Variants in SLC10A4 observed in about 807,000 individuals in gnomAD.
SLC10A4 encodes putative sodium/bile acid cotransporter 4.
In SLC10A4, 17 loss-of-function variants were observed where a neutral mutation model predicts 22.5. The ratio of observed to expected loss-of-function variants is 0.76; its 90% confidence interval spans 0.52 to 1.14. The LOEUF (loss-of-function observed/expected upper bound fraction) is 1.14, where lower values mean the gene tolerates loss of function less well. Among genes scored for constraint, SLC10A4 ranks in the 50% most tolerant of loss-of-function variants. The pLI is 0.00. For synonymous variants in SLC10A4, 257 were observed against 258.2 expected (o/e 1.00, Z 0.04); for missense variants, 548 against 584.0 (o/e 0.94, Z 0.64).
In SLC10A4 at chr4:48,488,913, A is replaced by G. The variant is rs142691812; in HGVS notation, c.1288A>G (p.Met430Val). ...AGTGAAAGCAGAAAATATAATAATG[A>G]TGGAAACCGCTCAGACTTCTCTCTA... ...GTVKAENIIM[M>V]ETAQTSL is the part of the protein sequence containing the mutation. Residue 430 changes from methionine (M) to valine (V), a missense_variant, in exon 3 of 3, where the codon ATG becomes GTG. Coordinates refer to ENST00000273861, the MANE Select transcript of SLC10A4 (RefSeq NM_152679.4). 301 of 1,603,702 alleles carry G rather than the reference A, an allele frequency of 1.9e-4. No homozygotes were observed. Among genetic ancestry groups the G allele is most frequent in the Non-Finnish European group, 2.5e-4 (298 of 1,177,142 alleles).
intron 2 of SLC10A4, among the ~76,000 whole-genome samples, chr4:48,487,837 C>T (rs111616615): frequency 9.5e-6 from 1 of 105,492 alleles, no homozygotes; most frequent in South Asian, 3.5e-4. Context: ...TGGAGTGTTG[C>T]TCTGTCACCC....
rs2148672135 is a variant in SLC10A4, at chr4:48,485,845, C to T, written c.801+703C>T. On this transcript the variant is annotated intron_variant, in intron 2 of 2. Transcript: ENST00000273861. ...GATTTCTATAATTTGTGCAATATTT[C>T]TCCTAAGGCTTTGATTTTTTAAAAA... Among the ~76,000 whole-genome samples, 4 of 152,194 alleles carry T rather than the reference C, an allele frequency of 2.6e-5. No homozygotes were observed. The South Asian group carries it at 8.3e-4, about 32-fold the overall frequency.
Position 48,483,467 on chromosome 4 carries a change from C to A in SLC10A4, c.-95C>A. ...CGGCGCGCAGCCGGGGCTCGGAGAC[C>A]GACGGGCAGAACGACGGGCGGCGAC... On this transcript the variant is annotated 5_prime_UTR_variant, in exon 1 of 3. Transcript: ENST00000273861. The surrounding 1 kb of genome is among the most constrained non-coding windows in gnomAD (Gnocchi z 5.4). The A allele has an allele frequency of 9.3e-7, 1 of 1,071,568 alleles. No individual in the cohort carries two copies. The highest frequency in any genetic ancestry group is 1.3e-6 in the Non-Finnish European group (1 of 795,162). The allele number at this position is 1,071,568 out of a possible 1,614,324, so 66.4% of individuals were successfully genotyped here.
rs1256346516 is a variant in SLC10A4 at position 48,483,849 on chromosome 4, C to G, written c.288C>G (p.Phe96Leu). Residue 96 changes from phenylalanine to leucine, a missense_variant, in exon 1 of 3, where the codon TTC (phenylalanine) becomes TTG (leucine). Phe to Leu is a conservative substitution (Grantham distance 22). Around this residue, in one of 3 missense-constraint regions of SLC10A4, gnomAD observed 225 missense variants for 206.9 expected, o/e 1.09. Coordinates refer to ENST00000273861, the MANE Select transcript of SLC10A4 (RefSeq NM_152679.4). This position sits in a 1 kb window ranked among gnomAD's most constrained non-coding sequence, Gnocchi z 5.4. ...CCTGGGCGCCCCACGCGCTCCCGTTCTGGGACACGCCGCTGAACCACGGGC... is the reference window on the plus strand; with the variant it reads ...CCTGGGCGCCCCACGCGCTCCCGTTGTGGGACACGCCGCTGAACCACGGGC... ...PRPWAPHALP[F>L]WDTPLNHGLN... 1 of 1,540,450 alleles carries G rather than the reference C, an allele frequency of 6.5e-7. No homozygotes were observed. Among genetic ancestry groups the G allele is most frequent in the Non-Finnish European group, 8.7e-7 (1 of 1,145,470 alleles).
rs761350123 is a variant in SLC10A4, at chr4:48,488,738, G to T, written c.1113G>T (p.Gln371His). Residue 371 changes from glutamine (Q) to histidine (H), a missense_variant, in exon 3 of 3, where the codon CAG becomes CAT. Physicochemically the swap from Gln to His is conservative, Grantham distance 24 (BLOSUM62 0). Coordinates refer to ENST00000273861, the MANE Select transcript of SLC10A4 (RefSeq NM_152679.4). ...YMFPLLYALF[Q>H]SAEAGIFVLI... ...TTCCTTTGCTGTATGCACTTTTCCA[G>T]TCTGCAGAAGCGGGGATTTTTGTTT... The T allele has an allele frequency of 1.2e-6, 2 of 1,614,030 alleles. No homozygotes were observed. The highest frequency in any genetic ancestry group is 2.2e-5 in the East Asian group (1 of 44,880).
At chr4:48,486,395 G>C (rs764472844) in intron 2 of SLC10A4, among the ~76,000 whole-genome samples, 8 of 151,758 alleles carry the variant, frequency 5.3e-5, no homozygotes, top group Non-Finnish European at 2.9e-5. Flanking sequence ...TAATCATTAA[G>C]CTAATGCTAT....
chr4:48,485,041 C>G lies in SLC10A4; in HGVS notation c.700C>G (p.Leu234Val). The G allele has an allele frequency of 1.2e-6, 2 of 1,614,140 alleles. No homozygotes were observed. The highest frequency in any genetic ancestry group is 1.7e-6 in the Non-Finnish European group (2 of 1,180,016). Residue 234 changes from leucine (L) to valine (V), a missense_variant, in exon 2 of 3, where the codon CTA (leucine) becomes GTA (valine). By Grantham distance (32) the Leu-to-Val change is conservative (BLOSUM62 1). This residue lies in a region of SLC10A4 where 314 missense variants were observed against 353.2 expected (regional missense o/e 0.89). Coordinates refer to ENST00000273861, the MANE Select transcript of SLC10A4 (RefSeq NM_152679.4). ...CACCCCTATCGTGCAGTTACTACCC[C>G]TAGGGACCGTGACCCTGACTCTCTG... ...INTPIVQLLPLGTVTLTLCST... is the reference protein window; with the variant it reads ...INTPIVQLLPVGTVTLTLCST...
At position 48,488,895 on chromosome 4, in the gene SLC10A4, G is replaced by A. The variant is rs1325218223; in HGVS notation, c.1270G>A (p.Ala424Thr). The change falls in exon 3 of 3, where the codon GCA becomes ACA. Residue 424 changes from alanine (A) to threonine (T), a missense_variant. By Grantham distance (58) the Ala-to-Thr change is moderately conservative. Coordinates refer to ENST00000273861, the MANE Select transcript of SLC10A4 (RefSeq NM_152679.4). ...AGACACTTCCTATGGCACAGTGAAA[G>A]CAGAAAATATAATAATGATGGAAAC... is the stretch of plus-strand genomic sequence containing the variant. The part of the protein sequence containing the change: ...MADTSYGTVK[A>T]ENIIMMETAQ... 6.2e-7 allele frequency: 1 copy of A among 1,609,386 alleles called. No homozygotes were observed. The highest frequency in any genetic ancestry group is 1.3e-5 in the African/African-American group (1 of 74,562).
intron 1 of SLC10A4, 113 bp downstream of exon 1, chr4:48,484,264 AAGG>A (rs768419089): frequency 4.3e-5 from 48 of 1,103,980 alleles, no homozygotes; most frequent in Non-Finnish European, 5.9e-5. Context: ...GGCGTGGAGG[AAGG>A]AGGAGAAAAG....
At chr4:48,484,201 T>A (rs373281471) in intron 1 of SLC10A4, 50 bp downstream of exon 1, 193 of 1,477,602 alleles carry the variant, frequency 1.3e-4, no homozygotes, top group Non-Finnish European at 1.7e-4. Context: ...AGACGCGCGT[T>A]TACGGCCGTG....
chr4:48,484,758 C>T (rs1467212720), intron 1 of SLC10A4, among the ~76,000 whole-genome samples, 174 bp from the exon 2 acceptor site: 2 of 152,168 alleles, frequency 1.3e-5, no homozygotes, highest in East Asian at 1.9e-4. Flanking sequence ...ATAATTCCAT[C>T]GGTGTTAGAC....
rs1201395321 is a variant in SLC10A4 at position 48,483,963 on chromosome 4, T to C, written c.402T>C (p.Arg134=). 3.9e-6 allele frequency: 6 copies of C among 1,548,394 alleles called. No individual in the cohort carries two copies. Among genetic ancestry groups the C allele is most frequent in the South Asian group, 1.2e-5 (1 of 85,284 alleles). Residue 134 remains arginine, a synonymous_variant, in exon 1 of 3, where the codon CGT becomes CGC. Transcript: ENST00000273861. The surrounding 1 kb of genome is among the most constrained non-coding windows in gnomAD (Gnocchi z 5.4). ...VDVNHFGAHV[R]RPVGALLAAL... is the part of the protein sequence containing the mutation. Reference sequence around the variant, plus strand: ...TGAACCACTTCGGGGCGCACGTCCGTCGGCCCGTGGGCGCGCTGCTGGCAG... The same window carrying C: ...TGAACCACTTCGGGGCGCACGTCCGCCGGCCCGTGGGCGCGCTGCTGGCAG...
intron 2 of SLC10A4, among the ~76,000 whole-genome samples, chr4:48,485,663 G>A (rs1401586821): frequency 6.6e-6 from 1 of 152,148 alleles, no homozygotes; most frequent in Non-Finnish European, 1.5e-5. Context: ...AAGTTACATT[G>A]TAGTAATAGA....
chr4:48,483,905 T>A lies in SLC10A4; in HGVS notation c.344T>A (p.Ile115Asn). ...GTGTTCGTGGGCGCCGCCCTGTGCA[T>A]CACCATGCTGGGCCTGGGCTGCACG... ...LNVFVGAALCITMLGLGCTVD... is the reference protein window; with the variant it reads ...LNVFVGAALCNTMLGLGCTVD... Residue 115 changes from isoleucine to asparagine, a missense_variant, in exon 1 of 3, where the codon ATC becomes AAC. Physicochemically the swap from Ile to Asn is moderately radical, Grantham distance 149 (BLOSUM62 -3). Transcript: ENST00000273861. The surrounding 1 kb of genome is among the most constrained non-coding windows in gnomAD (Gnocchi z 5.4). 1 of 1,544,962 alleles carries A rather than the reference T, an allele frequency of 6.5e-7. No individual in the cohort carries two copies.
In SLC10A4 at chr4:48,484,061, C is replaced by A; in HGVS notation, c.500C>A (p.Ala167Asp). The change falls in exon 1 of 3, where the codon GCC becomes GAC. Residue 167 changes from alanine (A) to aspartate (D), a missense_variant. Coordinates refer to ENST00000273861, the MANE Select transcript of SLC10A4 (RefSeq NM_152679.4). ...LALAFKLDEV[A>D]AVAVLLCGCC... ...CTCGCCTTCAAGCTGGACGAGGTGG[C>A]CGCCGTGGCGGTGCTCCTGTGTGGC... is the stretch of plus-strand genomic sequence containing the variant. 6.2e-7 allele frequency: 1 copy of A among 1,603,694 alleles called. No homozygotes were observed.
Position 48,485,143 on chromosome 4 carries a change from G to A in SLC10A4, c.801+1G>A. ...CCGGGTGGCTGACTACATTGTGAAG[G>A]TAAGGCCCCCTCTTCCCTTTCCATA... On this transcript the variant is annotated splice_donor_variant, in intron 2 of 2. Coordinates refer to ENST00000273861, the MANE Select transcript of SLC10A4 (RefSeq NM_152679.4). LOFTEE classifies it high-confidence loss of function. 1 of 1,613,946 alleles carries A rather than the reference G, an allele frequency of 6.2e-7. No individual in the cohort carries two copies. The highest frequency in any genetic ancestry group is 8.5e-7 in the Non-Finnish European group (1 of 1,179,872).
chr4:48,484,259 G>A, intron 1 of SLC10A4, 108 bp downstream of exon 1: 1 of 1,115,786 alleles, frequency 9.0e-7, no homozygotes, highest in South Asian at 1.9e-5. Flanking sequence ...AATTAGGCGT[G>A]GAGGAAGGAG....
At chr4:48,486,346 C>T (rs967767647) in intron 2 of SLC10A4, among the ~76,000 whole-genome samples, 3 of 151,692 alleles carry the variant, frequency 2.0e-5, no homozygotes, top group African/African-American at 7.3e-5. Flanking sequence ...AATATATACT[C>T]ATAGATACTC....
intron 1 of SLC10A4, 70 bp downstream of exon 1, chr4:48,484,221 CGAA>C: frequency 1.4e-6 from 2 of 1,431,464 alleles, no homozygotes; most frequent in Non-Finnish European, 9.3e-7. Flanking sequence ...GGGCTCACGA[CGAA>C]GGACAGAGGC....
Sources: allele counts gnomAD v4.1 joint callset (sites outside exome capture counted in the v4.1 genomes callset), GRCh38; gene constraint gnomAD v4.1.1; regional missense constraint gnomAD v4.1.1; non-coding constraint Gnocchi (gnomAD v3.1); transcripts MANE v1.5; gene names NCBI Gene and HGNC (gene_info 2026-07-23, HGNC 2026-07-21).